LAMA1: variants seen among roughly 807,000 people sequenced by gnomAD.
LAMA1 encodes laminin subunit alpha-1.
In LAMA1, 219 loss-of-function variants were observed where a neutral mutation model predicts 348.7. That is an observed-to-expected ratio of 0.63 (90% CI 0.56 to 0.70). LAMA1 has a LOEUF of 0.70. Among genes scored for constraint, LAMA1 ranks in the 30% least tolerant of loss-of-function variants. The pLI, the probability that LAMA1 is intolerant of heterozygous loss-of-function variation, is 0.00. For missense variants in LAMA1, 3,744 were observed against 3,888.0 expected, an observed-to-expected ratio of 0.96 and a Z score of 0.99; for synonymous variants, 1,487 against 1,491.0, an observed-to-expected ratio of 1.00 and a Z score of 0.06.
intron 1 of LAMA1, among the ~76,000 whole-genome samples, chr18:7,096,026 C>T (rs796861270): frequency 8.5e-5 from 13 of 152,378 alleles, no homozygotes; most frequent in Admixed American, 2.6e-4. Context: ...CGAGATCGCG[C>T]CATTGCGCTC....
chr18:7,019,937 C>T (rs2057907974), intron 19 of LAMA1, among the ~76,000 whole-genome samples: 1 of 151,952 alleles, frequency 6.6e-6, no homozygotes, highest in Admixed American at 6.6e-5. Context: ...CTGCCTCAGC[C>T]TCCCAAAGTG....
At chr18:7,016,795 TC>T (rs35419086) in intron 20 of LAMA1, 124 bp from the exon 21 acceptor site, 259,120 of 840,560 alleles carry the variant, frequency 0.31, 42,765 homozygotes, top group Middle Eastern at 0.5. Context: ...CATGACACCA[TC>T]CCCATCCCTT....
chr18:7,084,275 A>G (rs2058206161), intron 1 of LAMA1, among the ~76,000 whole-genome samples: 1 of 152,062 alleles, frequency 6.6e-6, no homozygotes, highest in Non-Finnish European at 1.5e-5. Context: ...AGTTCAATAA[A>G]GGGGAACCAC....
At chr18:7,077,640 A>G (rs569170699) in intron 3 of LAMA1, among the ~76,000 whole-genome samples, 1 of 152,322 alleles carries the variant, frequency 6.6e-6, no homozygotes, top group African/African-American at 2.4e-5. Context: ...ATAGACTTAC[A>G]GAGGTTTGAA....
At chr18:6,964,602 G>A in intron 51 of LAMA1, 60 bp downstream of exon 51, 1 of 1,591,136 alleles carries the variant, frequency 6.3e-7, no homozygotes, top group African/African-American at 1.3e-5. Context: ...TCCATTCTCA[G>A]CCCTAGCAAG....
At chr18:7,098,083 G>A (rs963232645) in intron 1 of LAMA1, among the ~76,000 whole-genome samples, 9 of 150,394 alleles carry the variant, frequency 6.0e-5, no homozygotes, top group African/African-American at 9.7e-5. Flanking sequence ...GCCCCTAACC[G>A]CAAGTAATCC....
chr18:6,950,718 T>C, intron 58 of LAMA1, 64 bp downstream of exon 58: 1 of 1,568,808 alleles, frequency 6.4e-7, no homozygotes. Context: ...AGAAATGGAG[T>C]GAACCCGAGT....
At chr18:7,016,711 G>C (rs201443459) in intron 20 of LAMA1, 40 bp from the exon 21 acceptor site, 23 of 1,547,692 alleles carry the variant, frequency 1.5e-5, no homozygotes, top group South Asian at 1.2e-4. Flanking sequence ...ACCAACATAC[G>C]TTTTAATAAA....
chr18:7,057,470 T>TA, intron 3 of LAMA1, among the ~76,000 whole-genome samples: 1 of 106,552 alleles, frequency 9.4e-6, no homozygotes, highest in East Asian at 2.1e-4. Flanking sequence ...TCTTTTCTTT[T>TA]CTTTTTTTTT....
At chr18:7,058,522 G>A (rs1451630142) in intron 3 of LAMA1, among the ~76,000 whole-genome samples, 1 of 152,166 alleles carries the variant, frequency 6.6e-6, no homozygotes, top group Non-Finnish European at 1.5e-5. Flanking sequence ...GGCTGTATCT[G>A]GCGATAGGCT....
Position 7,025,961 on chromosome 18 carries a change from A to G in LAMA1, c.2402+18T>C. The G allele has an allele frequency of 6.2e-7, 1 of 1,600,702 alleles. No individual in the cohort carries two copies. ...CTGGCCATGCTGGCAGGAACCGCTG[A>G]TGAGGTCCGAGGCTTACTTGTTGGA... On this transcript the variant is annotated intron_variant, in intron 17 of 62. Transcript: ENST00000389658.
chr18:6,958,334 G>T, intron 55 of LAMA1, 143 bp downstream of exon 55: 1 of 805,990 alleles, frequency 1.2e-6, no homozygotes, highest in Non-Finnish European at 2.1e-6. Context: ...AGACTTACAT[G>T]ATAGAACAAT....
At chr18:6,955,166 G>C in intron 57 of LAMA1, 187 bp downstream of exon 57, 3 of 628,762 alleles carry the variant, frequency 4.8e-6, no homozygotes, top group South Asian at 1.8e-5. Flanking sequence ...AGACTCCCCA[G>C]TGAACCACCA....
At chr18:7,077,627 A>G (rs1360079074) in intron 3 of LAMA1, among the ~76,000 whole-genome samples, 1 of 152,172 alleles carries the variant, frequency 6.6e-6, no homozygotes, top group Admixed American at 6.5e-5. Context: ...TTCAAGACAA[A>G]GGATAGACTT....
intron 31 of LAMA1, 36 bp from the exon 32 acceptor site, chr18:6,999,674 G>T: frequency 6.5e-7 from 1 of 1,531,618 alleles, no homozygotes; most frequent in Non-Finnish European, 9.0e-7. Flanking sequence ...CAGACAGGAT[G>T]GTCAATACCA....
At chr18:6,971,828 C>A (rs763414345) in intron 48 of LAMA1, 29 bp downstream of exon 48, 6 of 1,613,752 alleles carry the variant, frequency 3.7e-6, no homozygotes, top group Non-Finnish European at 5.1e-6. Flanking sequence ...GAATAACATA[C>A]TATGTGCTAA....
chr18:7,099,919 T>C (rs2058284550), intron 1 of LAMA1, among the ~76,000 whole-genome samples: 1 of 150,822 alleles, frequency 6.6e-6, no homozygotes, highest in South Asian at 2.1e-4. Flanking sequence ...ATTAGCCGGG[T>C]GTGGTGGTGA....
chr18:7,117,499 C>T (rs1055492191), intron 1 of LAMA1, among the ~76,000 whole-genome samples, 161 bp downstream of exon 1: 1 of 152,046 alleles, frequency 6.6e-6, no homozygotes, highest in African/African-American at 2.4e-5. Flanking sequence ...CAGCCCTCCC[C>T]GGCAAGCGCG....
Position 6,971,924 on chromosome 18 carries a change from T to G in LAMA1, c.6832A>C (p.Asn2278His). 6.2e-7 allele frequency: 1 copy of G among 1,614,126 alleles called. No homozygotes were observed. Among genetic ancestry groups the G allele is most frequent in the Non-Finnish European group, 8.5e-7 (1 of 1,180,012 alleles). Residue 2278 changes from asparagine (N) to histidine (H), a missense_variant, in exon 48 of 63, where the codon AAT becomes CAT. Transcript: ENST00000389658. ...FKGCLGEAFL[N>H]GKSIGLWNYI... ...TTCCATAGGCCTATGGATTTTCCAT[T>G]CAGGAAGGCCTCCCCCAAGCAGCCT... is the stretch of plus-strand genomic sequence containing the variant.
Sources: allele counts gnomAD v4.1 joint callset (sites outside exome capture counted in the v4.1 genomes callset), GRCh38; gene constraint gnomAD v4.1.1; transcripts MANE v1.5; gene names NCBI Gene and HGNC (gene_info 2026-07-23, HGNC 2026-07-21).